The following DPH6 variants were observed in gnomAD, a reference collection of about 807,000 sequenced individuals.
The protein encoded by DPH6 is diphthine--ammonia ligase.
In DPH6, 33 loss-of-function variants were observed where a neutral mutation model predicts 38.2. That is an observed-to-expected ratio of 0.86 (90% CI 0.65 to 1.15). DPH6 has a LOEUF of 1.15. Among genes scored for constraint, DPH6 ranks in the 50% most tolerant of loss-of-function variants. DPH6 has a pLI of 0.00. For missense variants in DPH6, 325 were observed against 320.0 expected (o/e 1.02, Z -0.12); for synonymous variants, 108 against 103.0 (o/e 1.05, Z -0.30).
the DPH6 span, among the ~76,000 whole-genome samples, chr15:35,192,958 G>A: frequency 3.3e-3 from 496 of 152,318 alleles, 6 homozygotes; most frequent in Non-Finnish European, 5.1e-3. Flanking sequence ...AGATGTGGAA[G>A]TGAGGAGGAG....
the DPH6 span, among the ~76,000 whole-genome samples, chr15:35,150,329 A>G: frequency 6.6e-6 from 1 of 152,240 alleles, no homozygotes; most frequent in Non-Finnish European, 1.5e-5. Flanking sequence ...AAAAGTAACA[A>G]CAAAGGAGGG....
the DPH6 span, among the ~76,000 whole-genome samples, chr15:35,205,591 T>G: frequency 6.6e-6 from 1 of 152,056 alleles, no homozygotes; most frequent in Non-Finnish European, 1.5e-5. Flanking sequence ...TTCTATTTGA[T>G]TAGTGGGATT....
intron 6 of DPH6, among the ~76,000 whole-genome samples, chr15:35,408,376 G>A (rs1244080033): frequency 1.3e-5 from 2 of 151,948 alleles, no homozygotes; most frequent in Non-Finnish European, 2.9e-5. Context: ...TAGGCCTGAA[G>A]TAACACACAT....
chr15:35,534,254 G>A (rs1385675957), intron 3 of DPH6, among the ~76,000 whole-genome samples: 1 of 151,658 alleles, frequency 6.6e-6, no homozygotes, highest in African/African-American at 2.4e-5. Context: ...GTGCATGCCT[G>A]TAATCCCAGC....
intron 5 of DPH6, among the ~76,000 whole-genome samples, chr15:35,421,468 A>G (rs973818715): frequency 6.6e-6 from 1 of 152,228 alleles, no homozygotes; most frequent in Non-Finnish European, 1.5e-5. Flanking sequence ...TGCTGGTGAT[A>G]GCTCAAATAC....
chr15:35,308,720 G>A (rs1004343942), intron 3 of DPH6, among the ~76,000 whole-genome samples: 3 of 152,082 alleles, frequency 2.0e-5, no homozygotes, highest in African/African-American at 7.2e-5. Flanking sequence ...ATGATTTTAG[G>A]TCTTAGTGCT....
chr15:35,299,090 T>C, intron 3 of DPH6: 1 of 806,656 alleles, frequency 1.2e-6, no homozygotes, highest in Non-Finnish European at 2.1e-6. Flanking sequence ...CCGCTGTCTT[T>C]GTCCTTCCTC....
At chr15:35,398,358 C>T (rs1390586038) in intron 6 of DPH6, among the ~76,000 whole-genome samples, 2 of 152,162 alleles carry the variant, frequency 1.3e-5, no homozygotes, top group Admixed American at 6.5e-5. Context: ...ATAGCCCTAT[C>T]CCCTAGCTAC....
rs1368111747 is a variant in DPH6 at position 35,242,869 on chromosome 15, T to C, written n.201-22287A>G. On this transcript the variant is annotated intron_variant and non_coding_transcript_variant, in intron 3 of 3. Transcript: ENST00000560386. ...ACTATCTTCTGTCTAGTCATACTCC[T>C]ATTCACCGTTCTCAACTACTCATAC... 1.4e-5 allele frequency among the ~76,000 whole-genome samples: 2 copies of C among 142,432 alleles called. 1 individual carries two copies. 93.4% of individuals were successfully genotyped at this position (142,432 alleles called of 152,430 possible).
At chr15:35,271,166 T>C (rs977119272) in intron 3 of DPH6, among the ~76,000 whole-genome samples, 2 of 152,140 alleles carry the variant, frequency 1.3e-5, no homozygotes, top group Non-Finnish European at 2.9e-5. Flanking sequence ...CTAACACTTA[T>C]CCCAAAAAGC....
At chr15:35,447,442 C>CA (rs1406425543) in intron 5 of DPH6, among the ~76,000 whole-genome samples, 1 of 152,196 alleles carries the variant, frequency 6.6e-6, no homozygotes, top group Admixed American at 6.5e-5. Flanking sequence ...TACGTCCCCC[C>CA]CCGCCATTTC....
the DPH6 span, among the ~76,000 whole-genome samples, chr15:35,186,805 G>A: frequency 2.0e-5 from 3 of 152,216 alleles, no homozygotes; most frequent in Non-Finnish European, 4.4e-5. Context: ...TGGCAAGGAT[G>A]TGGAGAAACT....
intron 5 of DPH6, among the ~76,000 whole-genome samples, chr15:35,434,078 C>T (rs2053665164): frequency 6.6e-6 from 1 of 152,192 alleles, no homozygotes; most frequent in African/African-American, 2.4e-5. Context: ...TCTCTACTAT[C>T]AGCTTATAAA....
intron 3 of DPH6, among the ~76,000 whole-genome samples, chr15:35,304,116 A>C (rs2052072138): frequency 6.6e-6 from 1 of 152,118 alleles, no homozygotes; most frequent in African/African-American, 2.4e-5. Flanking sequence ...AATTTGATTA[A>C]ATGATATATT....
the DPH6 span, among the ~76,000 whole-genome samples, chr15:35,193,297 A>T: frequency 6.6e-6 from 1 of 152,164 alleles, no homozygotes. Flanking sequence ...TTGATTGTCA[A>T]CTTTACAAAA....
chr15:35,291,589 GA>G (rs575354295), intron 3 of DPH6, among the ~76,000 whole-genome samples: 190 of 152,156 alleles, frequency 1.2e-3, no homozygotes, highest in African/African-American at 4.4e-3. Flanking sequence ...TTATGAAGAT[GA>G]AAATTAAGTC....
chr15:35,476,548 A>G (rs1465929665), intron 3 of DPH6, among the ~76,000 whole-genome samples: 1 of 151,918 alleles, frequency 6.6e-6, no homozygotes, highest in Non-Finnish European at 1.5e-5. Context: ...AAATCCACAC[A>G]AAAGCACAAA....
intron 5 of DPH6, among the ~76,000 whole-genome samples, chr15:35,426,150 T>C (rs1301360157): frequency 6.6e-6 from 1 of 151,590 alleles, no homozygotes; most frequent in African/African-American, 2.4e-5. Context: ...GTAGATAATT[T>C]ACAACACATG....
At chr15:35,193,415 A>C in the DPH6 span, among the ~76,000 whole-genome samples, 1 of 152,050 alleles carries the variant, frequency 6.6e-6, no homozygotes, top group Non-Finnish European at 1.5e-5. Context: ...GATAATATTT[A>C]GATTAACTTC....
Sources: gnomAD v4.1 joint callset for allele counts (sites outside exome capture counted in the v4.1 genomes callset) on GRCh38, gnomAD v4.1.1 for gene constraint, MANE v1.5 for transcripts, NCBI Gene and HGNC (gene_info 2026-07-23, HGNC 2026-07-21) for gene names.